The following ACSBG1 variants were observed in gnomAD, a reference collection of about 807,000 sequenced individuals.
ACSBG1 encodes long-chain-fatty-acid--CoA ligase ACSBG1.
Under a neutral mutation model 80.2 loss-of-function variants are expected in ACSBG1, and 39 were observed. The ratio of observed to expected loss-of-function variants is 0.49; its 90% CI spans 0.38 to 0.64. The LOEUF (loss-of-function observed/expected upper bound fraction) is 0.64. Ranked by LOEUF, ACSBG1 falls within the 30% of genes least tolerant of loss-of-function variation. The pLI is 0.00. For missense variants in ACSBG1, 828 were observed against 966.4 expected (o/e 0.86, Z 1.90); for synonymous variants, 392 against 379.5 (o/e 1.03, Z -0.38).
Position 78,178,935 on chromosome 15 carries a change from A to T in ACSBG1, c.1485-104T>A. The T allele has an allele frequency of 8.5e-7, 1 of 1,170,092 alleles. No individual in the cohort carries two copies. The highest frequency in any genetic ancestry group is 1.6e-5 in the South Asian group (1 of 63,496). 72.5% of individuals were successfully genotyped at this position (1,170,092 alleles called of 1,614,324 possible). A position where few individuals can be genotyped will look rare whatever the true frequency, so the allele number is the denominator to read the frequency against. On this transcript the variant is annotated intron_variant, in intron 10 of 13. Coordinates refer to ENST00000258873, the MANE Select transcript of ACSBG1 (RefSeq NM_015162.5). The surrounding 1 kb of genome is among the most constrained non-coding windows in gnomAD (Gnocchi z 4.3). ...TGCTCGGTCTTCACTGATTGCTAGAAGGTATCCCCTCACAGGGCTTTTGTA... is the reference window on the plus strand; with the variant it reads ...TGCTCGGTCTTCACTGATTGCTAGATGGTATCCCCTCACAGGGCTTTTGTA...
At chr15:78,189,372 G>A (rs1200693410) in intron 5 of ACSBG1, among the ~76,000 whole-genome samples, 3 of 151,398 alleles carry the variant, frequency 2.0e-5, no homozygotes, top group South Asian at 2.1e-4. Flanking sequence ...ACATGCACAC[G>A]TATGTTTATT....
rs965960510 is a variant in ACSBG1 at position 78,204,696 on chromosome 15, C to T, written c.232+3306G>A. 5.3e-5 allele frequency among the ~76,000 whole-genome samples: 8 copies of T among 152,244 alleles called. No homozygotes were observed. The East Asian group carries it at 5.8e-4, about 11-fold the overall frequency. ...GAAAGCCTTTCCTGCCGGCCCCCAT[C>T]GGAGGCTGCGGGGACAGGCAGGTCC... On this transcript the variant is annotated intron_variant, in intron 2 of 13. Coordinates refer to ENST00000258873, the MANE Select transcript of ACSBG1 (RefSeq NM_015162.5).
chr15:78,211,289 C>T (rs930196769), intron 1 of ACSBG1, among the ~76,000 whole-genome samples: 3 of 152,176 alleles, frequency 2.0e-5, no homozygotes, highest in Non-Finnish European at 4.4e-5. Flanking sequence ...ACGCCGAAGG[C>T]GATTAACATA....
intron 1 of ACSBG1, among the ~76,000 whole-genome samples, chr15:78,232,346 A>G (rs1249182546): frequency 1.3e-5 from 2 of 152,198 alleles, no homozygotes; most frequent in African/African-American, 4.8e-5. Context: ...CTCTTTCCCT[A>G]CGGGGTCCCA....
intron 1 of ACSBG1, among the ~76,000 whole-genome samples, chr15:78,221,912 A>AAAGTCACAGATTAACAGCATCTC (rs1429655277): frequency 6.6e-6 from 1 of 152,230 alleles, no homozygotes; most frequent in Non-Finnish European, 1.5e-5. Flanking sequence ...GGTTGGGGCT[A>AAAGTCACAGATTAACAGCATCTC]AAGTCACAGA....
Position 78,178,661 on chromosome 15 carries a change from C to A in ACSBG1, c.1655G>T (p.Gly552Val). 1 of 1,613,972 alleles carries A rather than the reference C, an allele frequency of 6.2e-7. No individual in the cohort carries two copies. Reference protein sequence around the residue: ...EEGWLHTGDAGRLDADGFLYI... With the variant: ...EEGWLHTGDAVRLDADGFLYI... ...GAGGAAGCCATCGGCGTCCAGGCGG[C>A]CAGCATCACCCGTGTGCAGCCAGCC... Residue 552 changes from glycine (G) to valine (V), a missense_variant, in exon 11 of 14, where the codon GGC becomes GTC. Gly to Val is a moderately radical substitution (Grantham distance 109). This residue lies in a region of ACSBG1 where 201 missense variants were observed against 227.0 expected (regional missense o/e 0.89). Transcript: ENST00000258873. The surrounding 1 kb of genome is among the most constrained non-coding windows in gnomAD (Gnocchi z 4.3).
intron 1 of ACSBG1, chr15:78,209,160 AG>A (rs1448984346): frequency 2.2e-6 from 1 of 455,942 alleles, no homozygotes; most frequent in Non-Finnish European, 4.4e-6. Flanking sequence ...TCTCACATTC[AG>A]CCTCACTCCT....
chr15:78,231,970 G>A (rs1031244072), intron 1 of ACSBG1, among the ~76,000 whole-genome samples: 1 of 152,196 alleles, frequency 6.6e-6, no homozygotes, highest in Admixed American at 6.5e-5. Flanking sequence ...AGCAGGTTTA[G>A]CTTCCCTGTT....
At chr15:78,188,069 T>C (rs2141339985) in intron 5 of ACSBG1, among the ~76,000 whole-genome samples, 1 of 152,272 alleles carries the variant, frequency 6.6e-6, no homozygotes, top group Admixed American at 6.5e-5. Flanking sequence ...TGAACTCCCA[T>C]TCACAATTGC....
At chr15:78,185,160 T>G (rs944852270) in intron 5 of ACSBG1, among the ~76,000 whole-genome samples, 15 of 152,118 alleles carry the variant, frequency 9.9e-5, no homozygotes, top group Admixed American at 7.9e-4. Flanking sequence ...CTAGAATTTG[T>G]GAGATAGAAT....
chr15:78,218,384 C>T (rs1430890127), intron 1 of ACSBG1, among the ~76,000 whole-genome samples: 2 of 151,968 alleles, frequency 1.3e-5, no homozygotes, highest in African/African-American at 2.4e-5. Context: ...TGGTCCCTGC[C>T]GTGGAGGAGC....
intron 5 of ACSBG1, among the ~76,000 whole-genome samples, chr15:78,185,087 C>T (rs971250800): frequency 6.7e-6 from 1 of 149,388 alleles, no homozygotes; most frequent in Non-Finnish European, 1.5e-5. Flanking sequence ...GAGAGGAATA[C>T]AGAACCCAGT....
chr15:78,229,479 ACTCT>A (rs1390735138), intron 1 of ACSBG1, among the ~76,000 whole-genome samples: 2 of 152,006 alleles, frequency 1.3e-5, no homozygotes, highest in African/African-American at 2.4e-5. Context: ...GGCAGAGCGC[ACTCT>A]CTGTCATCCT....
At chr15:78,203,928 C>T (rs903285332) in intron 2 of ACSBG1, among the ~76,000 whole-genome samples, 2 of 152,162 alleles carry the variant, frequency 1.3e-5, no homozygotes, top group Non-Finnish European at 1.5e-5. Context: ...CTCTCCAACA[C>T]GGGACCCTGT....
intron 1 of ACSBG1, chr15:78,226,336 A>T (rs2075400281): frequency 6.6e-6 from 1 of 152,238 alleles, no homozygotes; most frequent in South Asian, 2.1e-4. Flanking sequence ...TCCAAAAGGC[A>T]AGAATATCAG....
At chr15:78,219,890 A>G (rs1377514243) in intron 1 of ACSBG1, among the ~76,000 whole-genome samples, 1 of 152,198 alleles carries the variant, frequency 6.6e-6, no homozygotes, top group Non-Finnish European at 1.5e-5. Flanking sequence ...AGGCTGAGGC[A>G]GGAGAATGGC....
At chr15:78,179,477 C>A in intron 10 of ACSBG1, 73 bp downstream of exon 10, 1 of 1,387,248 alleles carries the variant, frequency 7.2e-7, no homozygotes, top group Non-Finnish European at 1.0e-6. Flanking sequence ...ATCCCCAGGG[C>A]ACTCAGCAGG....
At chr15:78,207,925 A>ACCCCCCCCCCCCCCC in intron 2 of ACSBG1, 77 bp downstream of exon 2, 4 of 454,978 alleles carry the variant, frequency 8.8e-6, no homozygotes, top group Non-Finnish European at 1.7e-5. Context: ...GGTCCCCCAC[A>ACCCCCCCCCCCCCCC]CCACCCACCC....
At chr15:78,190,476 T>A (rs1595887348) in intron 5 of ACSBG1, among the ~76,000 whole-genome samples, 1 of 137,632 alleles carries the variant, frequency 7.3e-6, no homozygotes, top group Non-Finnish European at 1.6e-5. Flanking sequence ...GAGGCTGAGG[T>A]GGGAGGATTG....
Sources: gnomAD v4.1 joint callset for allele counts (sites outside exome capture counted in the v4.1 genomes callset) on GRCh38, gnomAD v4.1.1 for gene constraint, gnomAD v4.1.1 regional missense constraint, Gnocchi (gnomAD v3.1) non-coding constraint, MANE v1.5 for transcripts, NCBI Gene and HGNC (gene_info 2026-07-23, HGNC 2026-07-21) for gene names.